TRANK1: variants seen among roughly 807,000 people sequenced by gnomAD.
TRANK1 encodes the protein tetratricopeptide repeat and ankyrin repeat containing 1.
A neutral mutation model predicts 266.0 loss-of-function variants in TRANK1; 198 were observed. The ratio of observed to expected loss-of-function variants is 0.74; its 90% confidence interval spans 0.66 to 0.84. The LOEUF is 0.84. Ranked by LOEUF, TRANK1 falls within the 40% of genes least tolerant of loss-of-function variation. The probability of loss-of-function intolerance (pLI) is 0.00; values close to 1 mark genes in which losing one functional copy is unlikely to be tolerated. For synonymous variants in TRANK1, 1,396 were observed against 1,384.1 expected (o/e 1.01, Z -0.19); for missense variants, 3,326 against 3,634.6 (o/e 0.92, Z 2.18).
At chr3:36,837,662 T>G (rs1396057613) in intron 20 of TRANK1, among the ~76,000 whole-genome samples, 1 of 152,244 alleles carries the variant, frequency 6.6e-6, no homozygotes, top group Non-Finnish European at 1.5e-5. Flanking sequence ...CACTTGGATG[T>G]CAAAGCAATG....
rs1339202580 is a variant in TRANK1 at position 36,842,768 on chromosome 3, T to C, written c.5192-58A>G. 2.7e-6 allele frequency: 4 copies of C among 1,483,378 alleles called. No individual in the cohort carries two copies. The Admixed American group carries it at 5.5e-5, about 21-fold the overall frequency. The allele number at this position is 1,483,378 out of a possible 1,614,324, so 91.9% of individuals were successfully genotyped here. A position where few individuals can be genotyped will look rare whatever the true frequency, so the allele number is the denominator to read the frequency against. ...CTGGGCTTTCTTTCACTTAAAACTGTTGTTATGGGCTGAGTTGCATCTCCT... is the reference window on the plus strand; with the variant it reads ...CTGGGCTTTCTTTCACTTAAAACTGCTGTTATGGGCTGAGTTGCATCTCCT... On this transcript the variant is annotated intron_variant, in intron 17 of 23. Transcript: ENST00000645898.
intron 4 of TRANK1, among the ~76,000 whole-genome samples, chr3:36,896,639 A>G (rs962656876): frequency 1.3e-5 from 2 of 152,194 alleles, no homozygotes; most frequent in African/African-American, 2.4e-5. Flanking sequence ...GCAGCCATCA[A>G]GAAGCAGTTG....
In TRANK1 at chr3:36,856,955, G is replaced by T. The variant is rs1268671862; in HGVS notation, c.2767C>A (p.Gln923Lys). ...ENPEKIIATEQNTCAMEKSGR... is the reference protein window; with the variant it reads ...ENPEKIIATEKNTCAMEKSGR... ...GATTTCTCCATTGCACACGTGTTCT[G>T]CTCCGTGGCAATGATCTTCTCAGGG... The change falls in exon 13 of 24, where the codon CAG (glutamine) becomes AAG (lysine). Residue 923 changes from glutamine to lysine, a missense_variant. Gln to Lys is a moderately conservative substitution (Grantham distance 53). Coordinates refer to ENST00000645898, the MANE Select transcript of TRANK1 (RefSeq NM_001329998.2). 1 of 1,613,786 alleles carries T rather than the reference G, an allele frequency of 6.2e-7. No individual in the cohort carries two copies. Among genetic ancestry groups the T allele is most frequent in the South Asian group, 1.1e-5 (1 of 91,052 alleles).
intron 17 of TRANK1, among the ~76,000 whole-genome samples, chr3:36,844,217 T>C (rs190076541): frequency 2.0e-4 from 30 of 152,004 alleles, no homozygotes; most frequent in Admixed American, 3.3e-4. Context: ...GTTTTTTAGT[T>C]TGTTTTTTGT....
At chr3:36,920,158 G>A (rs1280613766) in intron 1 of TRANK1, among the ~76,000 whole-genome samples, 3 of 152,178 alleles carry the variant, frequency 2.0e-5, no homozygotes, top group Non-Finnish European at 2.9e-5. Context: ...TAGTGACAGC[G>A]TGGTGCCAGG....
Position 36,831,306 on chromosome 3 carries a change from G to T in TRANK1, c.8277C>A (p.Phe2759Leu), listed in dbSNP as rs2078690008. The T allele has an allele frequency of 6.2e-7, 1 of 1,613,432 alleles. No homozygotes were observed. Among genetic ancestry groups the T allele is most frequent in the Admixed American group, 1.7e-5 (1 of 59,996 alleles). The part of the protein sequence containing the change: ...EEAREPRAGN[F>L]KKADVDRTQC... Reference sequence around the variant, plus strand: ...GGGTCCTGTCCACGTCTGCCTTTTTGAAGTTCCCAGCCCTGGGCTCCCTGG... The same window carrying T: ...GGGTCCTGTCCACGTCTGCCTTTTTTAAGTTCCCAGCCCTGGGCTCCCTGG... The change falls in exon 22 of 24, where the codon TTC becomes TTA. Residue 2759 changes from phenylalanine (F) to leucine (L), a missense_variant. Physicochemically the swap from Phe to Leu is conservative, Grantham distance 22 (BLOSUM62 0). Transcript: ENST00000645898. This position sits in a 1 kb window ranked among gnomAD's most constrained non-coding sequence, Gnocchi z 5.0.
intron 9 of TRANK1, among the ~76,000 whole-genome samples, chr3:36,868,283 T>C (rs2079257198): frequency 6.6e-6 from 1 of 152,242 alleles, no homozygotes; most frequent in South Asian, 2.1e-4. Context: ...CTCTTGTTTG[T>C]TATCAATTAA....
At chr3:36,895,615 G>A (rs11129741) in intron 5 of TRANK1, 25 bp downstream of exon 5, 384,929 of 1,394,820 alleles carry the variant, frequency 0.28, 57,008 homozygotes, top group East Asian at 0.55. Context: ...TACTCTCCCC[G>A]TGAGAGCCAT....
intron 15 of TRANK1, chr3:36,851,240 T>C (rs2078981020): frequency 2.0e-6 from 2 of 986,108 alleles, no homozygotes; most frequent in East Asian, 1.1e-4. Context: ...GCAAGGAAGC[T>C]GTTCTTGTCC....
chr3:36,941,969 A>G (rs1295652039), intron 1 of TRANK1, among the ~76,000 whole-genome samples: 1 of 152,206 alleles, frequency 6.6e-6, no homozygotes. Context: ...AAGAAAACCA[A>G]CACCACATAC....
At chr3:36,923,548 G>T (rs576295579) in intron 1 of TRANK1, among the ~76,000 whole-genome samples, 5 of 152,062 alleles carry the variant, frequency 3.3e-5, no homozygotes, top group Admixed American at 3.3e-4. Context: ...GAGCCACCGC[G>T]CCTGGCCTTG....
chr3:36,852,775 TAAAAAAAAAAAAAAA>T (rs761417309), intron 13 of TRANK1, among the ~76,000 whole-genome samples: 1 of 120,222 alleles, frequency 8.3e-6, no homozygotes, highest in Non-Finnish European at 1.7e-5. Flanking sequence ...CCATCTCAAT[TAAAAAAAAAAAAAAA>T]AAAAAAAAAC....
intron 1 of TRANK1, among the ~76,000 whole-genome samples, chr3:36,938,920 A>G (rs573260484): frequency 6.6e-6 from 1 of 152,064 alleles, no homozygotes; most frequent in Non-Finnish European, 1.5e-5. Context: ...AGATCGTGCC[A>G]CCAAACTCCA....
chr3:36,937,150 T>C (rs887444168), intron 1 of TRANK1, among the ~76,000 whole-genome samples: 1 of 152,108 alleles, frequency 6.6e-6, no homozygotes, highest in African/African-American at 2.4e-5. Context: ...AACTTCTGGG[T>C]CTGAAATGGA....
At chr3:36,939,258 CAT>C (rs745889922) in intron 1 of TRANK1, among the ~76,000 whole-genome samples, 3 of 137,974 alleles carry the variant, frequency 2.2e-5, no homozygotes, top group Admixed American at 1.5e-4. Context: ...CCCATTCTAA[CAT>C]ACACACACAC....
chr3:36,874,186 CT>C lies in TRANK1; in HGVS notation c.1017del (p.Ala340ProfsTer9). ...AAGTGACTGTTGATTTTCTCGATGG[CT>C]TTGAAGTTCTTATTCCTCTTCAGGA... is the stretch of plus-strand genomic sequence containing the variant. ...VDVLKRNKNF[K>X]AIEKINSHLE... On this transcript the variant is annotated frameshift_variant, in exon 9 of 24. Transcript: ENST00000645898. LOFTEE classifies it high-confidence loss of function. The C allele has an allele frequency of 6.5e-7, 1 of 1,537,398 alleles. No homozygotes were observed. Among genetic ancestry groups the C allele is most frequent in the Non-Finnish European group, 8.7e-7 (1 of 1,146,932 alleles).
rs1491456558 is a variant in TRANK1 at position 36,838,606 on chromosome 3, C to CTCT, written c.5384+4_5384+6dup. ...GAGCAAACCAGAAGTGATCCCAAGA[C>CTCT]TCTTACTTGGGGCTGACTTTCTTGG... On this transcript the variant is annotated splice_region_variant and intron_variant, in intron 19 of 23. Coordinates refer to ENST00000645898, the MANE Select transcript of TRANK1 (RefSeq NM_001329998.2). 1 of 1,613,950 alleles carries CTCT rather than the reference C, an allele frequency of 6.2e-7. No individual in the cohort carries two copies. Among genetic ancestry groups the CTCT allele is most frequent in the Admixed American group, 1.7e-5 (1 of 60,030 alleles).
At chr3:36,928,133 A>T (rs973328934) in intron 1 of TRANK1, among the ~76,000 whole-genome samples, 2 of 152,172 alleles carry the variant, frequency 1.3e-5, no homozygotes, top group Non-Finnish European at 2.9e-5. Flanking sequence ...TAAATACATT[A>T]ATTTTAAGTT....
At chr3:36,861,183 A>C in intron 10 of TRANK1, 23 bp from the exon 11 acceptor site, 1 of 1,529,540 alleles carries the variant, frequency 6.5e-7, no homozygotes, top group Non-Finnish European at 8.8e-7. Context: ...AGAGTAAGAC[A>C]CATTCCAAAA....
Sources: gnomAD v4.1 joint callset for allele counts (sites outside exome capture counted in the v4.1 genomes callset) on GRCh38, gnomAD v4.1.1 for gene constraint, Gnocchi (gnomAD v3.1) non-coding constraint, MANE v1.5 for transcripts, NCBI Gene and HGNC (gene_info 2026-07-23, HGNC 2026-07-21) for gene names.